The following PLEKHA7 variants were observed in gnomAD, a reference collection of about 807,000 sequenced individuals.
PLEKHA7 encodes pleckstrin homology domain containing A7.
Under a neutral mutation model 170.0 loss-of-function variants are expected in PLEKHA7, and 104 were observed. That is an observed-to-expected ratio of 0.61 (90% CI 0.52 to 0.72). PLEKHA7 has a LOEUF of 0.72. Ranked by LOEUF, PLEKHA7 falls within the 30% of genes least tolerant of loss-of-function variation. PLEKHA7 has a pLI of 0.00. For missense variants in PLEKHA7, 1,615 were observed against 1,671.7 expected (o/e 0.97, Z 0.59); for synonymous variants, 648 against 660.8 (o/e 0.98, Z 0.30).
chr11:16,848,724 T>C (rs1398281644), intron 8 of PLEKHA7, among the ~76,000 whole-genome samples: 1 of 152,236 alleles, frequency 6.6e-6, no homozygotes, highest in Non-Finnish European at 1.5e-5. Flanking sequence ...ATACACATTG[T>C]GACCTGCTTT....
intron 3 of PLEKHA7, among the ~76,000 whole-genome samples, chr11:16,887,581 AGAC>A (rs1219671610): frequency 2.6e-5 from 4 of 152,156 alleles, no homozygotes; most frequent in African/African-American, 9.7e-5. Context: ...TTTTTGGTGG[AGAC>A]GGGGTTTCGC....
chr11:16,862,757 C>A (rs1299282738), intron 4 of PLEKHA7, among the ~76,000 whole-genome samples: 1 of 152,176 alleles, frequency 6.6e-6, no homozygotes, highest in African/African-American at 2.4e-5. Flanking sequence ...GACCCCATCA[C>A]CATCTCTTCC....
chr11:16,933,807 G>A (rs1186071539), intron 3 of PLEKHA7, among the ~76,000 whole-genome samples: 1 of 152,206 alleles, frequency 6.6e-6, no homozygotes, highest in African/African-American at 2.4e-5. Flanking sequence ...GGTATAGGGA[G>A]AAAGTGGCTC....
intron 4 of PLEKHA7, among the ~76,000 whole-genome samples, chr11:16,859,878 C>T (rs957555776): frequency 4.6e-5 from 7 of 152,242 alleles, no homozygotes; most frequent in Non-Finnish European, 8.8e-5. Flanking sequence ...AACCTGCACA[C>T]GCAGACTGCT....
chr11:16,808,271 A>G (rs1849128130), intron 13 of PLEKHA7, among the ~76,000 whole-genome samples: 1 of 152,196 alleles, frequency 6.6e-6, no homozygotes, highest in South Asian at 2.1e-4. Context: ...CCAGACATTT[A>G]TATTCATTTT....
At chr11:16,927,170 T>A (rs997201599) in intron 3 of PLEKHA7, among the ~76,000 whole-genome samples, 1 of 152,136 alleles carries the variant, frequency 6.6e-6, no homozygotes, top group Non-Finnish European at 1.5e-5. Flanking sequence ...CAAAGCGAGA[T>A]CTTGTCTCAA....
intron 4 of PLEKHA7, among the ~76,000 whole-genome samples, chr11:16,859,226 C>T (rs1165370727): frequency 6.6e-6 from 1 of 152,216 alleles, no homozygotes; most frequent in Non-Finnish European, 1.5e-5. Context: ...GGACAAGGCA[C>T]ACACAGCTAC....
At position 16,794,477 on chromosome 11, in the gene PLEKHA7, T is replaced by A; in HGVS notation, c.2745+11A>T. 1 of 1,607,336 alleles carries A rather than the reference T, an allele frequency of 6.2e-7. No individual in the cohort carries two copies. Among genetic ancestry groups the A allele is most frequent in the Non-Finnish European group, 8.5e-7 (1 of 1,174,214 alleles). On this transcript the variant is annotated intron_variant, in intron 19 of 26. Transcript: ENST00000531066. ...AACAATGGCATTCAGCTCCTAGTTA[T>A]CACTACTTACAACTTTGGGCTTCGC...
At chr11:16,934,098 A>G (rs1337158856) in intron 3 of PLEKHA7, among the ~76,000 whole-genome samples, 5 of 152,148 alleles carry the variant, frequency 3.3e-5, no homozygotes, top group African/African-American at 1.2e-4. Context: ...GAAGAAAGAT[A>G]AGTTATCGTG....
At chr11:16,903,715 C>G (rs2136068651) in intron 3 of PLEKHA7, among the ~76,000 whole-genome samples, 1 of 152,296 alleles carries the variant, frequency 6.6e-6, no homozygotes, top group East Asian at 1.9e-4. Context: ...GTCCAAATTA[C>G]AGAGTCCTCC....
intron 13 of PLEKHA7, among the ~76,000 whole-genome samples, chr11:16,804,847 C>A (rs1028980245): frequency 6.6e-6 from 1 of 151,986 alleles, no homozygotes; most frequent in Non-Finnish European, 1.5e-5. Flanking sequence ...CACAAGACTG[C>A]AACAATCCAC....
At chr11:16,809,485 G>C (rs1682776620) in intron 13 of PLEKHA7, among the ~76,000 whole-genome samples, 1 of 152,186 alleles carries the variant, frequency 6.6e-6, no homozygotes, top group South Asian at 2.1e-4. Flanking sequence ...AGGAACCAGG[G>C]GGGACCTCTC....
intron 4 of PLEKHA7, among the ~76,000 whole-genome samples, chr11:16,857,383 C>T (rs1853554242): frequency 6.6e-6 from 1 of 152,246 alleles, no homozygotes; most frequent in Non-Finnish European, 1.5e-5. Context: ...ATTCCACACC[C>T]CCAGCCTCCA....
intron 3 of PLEKHA7, among the ~76,000 whole-genome samples, chr11:16,980,092 C>A (rs1296563039): frequency 1.3e-5 from 2 of 152,238 alleles, no homozygotes; most frequent in Non-Finnish European, 2.9e-5. Context: ...CCTACTTAGA[C>A]CTCCCTGATC....
intron 3 of PLEKHA7, among the ~76,000 whole-genome samples, chr11:16,874,655 A>G (rs1457874832): frequency 6.6e-6 from 1 of 152,184 alleles, no homozygotes; most frequent in Admixed American, 6.5e-5. Context: ...AGAAAGCCCT[A>G]AAGACACAAG....
chr11:16,786,575 C>G (rs1004816197), intron 23 of PLEKHA7, 188 bp from the exon 24 acceptor site: 3 of 985,436 alleles, frequency 3.0e-6, no homozygotes, highest in Non-Finnish European at 3.6e-6. Flanking sequence ...TAAGTGCTCT[C>G]TGATCTGGGT....
At chr11:16,902,365 G>C (rs892146214) in intron 3 of PLEKHA7, among the ~76,000 whole-genome samples, 4 of 152,304 alleles carry the variant, frequency 2.6e-5, no homozygotes, top group Admixed American at 1.3e-4. Context: ...ACCTAGGAAT[G>C]GAATTCATGA....
intron 3 of PLEKHA7, among the ~76,000 whole-genome samples, chr11:16,933,728 TGGTCTCCATTCAGG>T (rs1412610244): frequency 6.6e-6 from 1 of 152,194 alleles, no homozygotes; most frequent in African/African-American, 2.4e-5. Context: ...TGAGCTATGG[TGGTCTCCATTCAGG>T]GAGGGGGCAG....
intron 3 of PLEKHA7, among the ~76,000 whole-genome samples, chr11:16,900,881 T>C (rs1205459383): frequency 6.6e-6 from 1 of 151,634 alleles, no homozygotes; most frequent in Non-Finnish European, 1.5e-5. Flanking sequence ...AGAGTCTCAC[T>C]GTCACCCAGG....
Sources: allele counts gnomAD v4.1 joint callset (sites outside exome capture counted in the v4.1 genomes callset), GRCh38; gene constraint gnomAD v4.1.1; transcripts MANE v1.5; gene names NCBI Gene and HGNC (gene_info 2026-07-23, HGNC 2026-07-21).